Variants in SETD5 observed in about 807,000 individuals in gnomAD.
The protein encoded by SETD5 is histone-lysine N-methyltransferase SETD5.
SETD5 carries 44 observed loss-of-function variants against 153.3 expected under a neutral mutation model. The observed-to-expected ratio is 0.29, with a 90% confidence interval of 0.23 to 0.37. The LOEUF (loss-of-function observed/expected upper bound fraction) is 0.37, where lower values mean the gene tolerates loss of function less well. Among genes scored for constraint, SETD5 ranks in the 10% least tolerant of loss-of-function variants. SETD5 has a pLI of 1.00. For missense variants in SETD5, 1,544 were observed against 1,768.0 expected, an observed-to-expected ratio of 0.87 and a Z score of 2.27; for synonymous variants, 716 against 645.2, an observed-to-expected ratio of 1.11 and a Z score of -1.66.
At chr3:9,442,088 T>C (rs2041363998) in intron 9 of SETD5, 40 bp from the exon 10 acceptor site, 1 of 1,395,944 alleles carries the variant, frequency 7.2e-7, no homozygotes, top group Admixed American at 1.9e-5. Context: ...GGCCTTCTTA[T>C]TTGTGTTGAG....
chr3:9,456,992 G>A (rs111429675), intron 17 of SETD5, among the ~76,000 whole-genome samples: 393 of 151,112 alleles, frequency 2.6e-3, no homozygotes, highest in African/African-American at 7.2e-3. Context: ...AAGAAAGAAA[G>A]AAAGAGAGGG....
intron 1 of SETD5, among the ~76,000 whole-genome samples, chr3:9,412,387 GTTTTTTT>G (rs370566998): frequency 1.3e-4 from 12 of 89,536 alleles, no homozygotes; most frequent in South Asian, 4.6e-4. Flanking sequence ...ACAGTTTTGG[GTTTTTTT>G]TTTTTTTTTT....
rs746110142 is a variant in SETD5 at position 9,440,633 on chromosome 3, A to G, written c.745A>G (p.Ile249Val). The change falls in exon 8 of 23, where the codon ATT becomes GTT. Residue 249 changes from isoleucine to valine, a missense_variant. Coordinates refer to ENST00000402198, the MANE Select transcript of SETD5 (RefSeq NM_001080517.3). The part of the protein sequence containing the change: ...SSKEFVGKPT[I>V]LDTINKTELA... ...CAAGGAATTTGTGGGCAAACCTACT[A>G]TTTTAGACACTATTAATAAGACTGA... 1 of 1,613,944 alleles carries G rather than the reference A, an allele frequency of 6.2e-7. No individual in the cohort carries two copies. Among genetic ancestry groups the G allele is most frequent in the Non-Finnish European group, 8.5e-7 (1 of 1,179,846 alleles).
At chr3:9,468,420 A>G (rs763144034) in intron 18 of SETD5, 3 of 1,052,506 alleles carry the variant, frequency 2.9e-6, no homozygotes, top group Non-Finnish European at 3.9e-6. Context: ...CCCCGAAAAA[A>G]GTTATGGCTA....
rs753275152 is a variant in SETD5 at position 9,445,287 on chromosome 3, C to G, written c.1427C>G (p.Ser476Cys). The G allele has an allele frequency of 3.1e-6, 5 of 1,604,560 alleles. No individual in the cohort carries two copies. In the African/African-American group the frequency reaches 6.7e-5, roughly 21 times the overall value. Residue 476 changes from serine to cysteine, a missense_variant, in exon 12 of 23, where the codon TCC becomes TGC. Around this residue, in one of 9 missense-constraint regions of SETD5, gnomAD observed 782 missense variants for 787.2 expected, o/e 0.99. Coordinates refer to ENST00000402198, the MANE Select transcript of SETD5 (RefSeq NM_001080517.3). ...SQEVPEKVTV[S>C]SDHEEVDNPE... ...GAAGTTCCAGAAAAAGTAACTGTAT[C>G]CAGTGATCATGAGGTAATCGCCCCT...
chr3:9,448,445 T>C lies in SETD5; in HGVS notation c.2161T>C (p.Cys721Arg). Residue 721 changes from cysteine to arginine, a missense_variant, in exon 16 of 23, where the codon TGC (cysteine) becomes CGC (arginine). By Grantham distance (180) the Cys-to-Arg change is radical (BLOSUM62 -3). Coordinates refer to ENST00000402198, the MANE Select transcript of SETD5 (RefSeq NM_001080517.3). Reference protein sequence around the residue: ...KAEKQECPVECPLRITTDPTV... With the variant: ...KAEKQECPVERPLRITTDPTV... ...AGAGAAGCAAGAGTGCCCTGTTGAGTGCCCTTTACGTATCACAACGGATCC... is the reference window on the plus strand; with the variant it reads ...AGAGAAGCAAGAGTGCCCTGTTGAGCGCCCTTTACGTATCACAACGGATCC... 1 of 1,614,016 alleles carries C rather than the reference T, an allele frequency of 6.2e-7. No individual in the cohort carries two copies. Among genetic ancestry groups the C allele is most frequent in the Admixed American group, 1.7e-5 (1 of 60,020 alleles).
intron 18 of SETD5, among the ~76,000 whole-genome samples, chr3:9,467,012 G>GA (rs2044662859): frequency 6.6e-6 from 1 of 151,906 alleles, no homozygotes; most frequent in Non-Finnish European, 1.5e-5. Flanking sequence ...CTGGGCAACA[G>GA]TGAGATCCCA....
rs538063267 is a variant in SETD5, at chr3:9,404,218, G to A, written c.-177+6241G>A. On this transcript the variant is annotated intron_variant, in intron 1 of 22. Coordinates refer to ENST00000402198, the MANE Select transcript of SETD5 (RefSeq NM_001080517.3). ...ACTGGAATGTTAATTTCCATTTATG[G>A]ATTAGCAGAGGAGATGTTTTAACCG... 6.6e-5 allele frequency among the ~76,000 whole-genome samples: 10 copies of A among 152,250 alleles called. No individual in the cohort carries two copies. In the South Asian group the frequency reaches 1.9e-3, roughly 28 times the overall value.
intron 7 of SETD5, among the ~76,000 whole-genome samples, chr3:9,439,089 G>C (rs546375895): frequency 6.6e-6 from 1 of 152,294 alleles, no homozygotes; most frequent in South Asian, 2.1e-4. Flanking sequence ...GCCACTTAAA[G>C]CTGGGAATAT....
intron 11 of SETD5, among the ~76,000 whole-genome samples, chr3:9,443,905 C>G (rs1430593811): frequency 6.6e-6 from 1 of 152,068 alleles, no homozygotes; most frequent in Non-Finnish European, 1.5e-5. Flanking sequence ...CTACTAAAAA[C>G]ACAAAAATTA....
rs1353794405 is a variant in SETD5 at position 9,442,381 on chromosome 3, C to T, written c.1077+136C>T. ...ATATTTCATCGTGGGAGGTGAAAAA[C>T]AAAAGTAATGGTGCTTTTATACGAC... On this transcript the variant is annotated intron_variant, in intron 10 of 22. Transcript: ENST00000402198. The T allele has an allele frequency of 6.0e-6, 4 of 668,130 alleles. No individual in the cohort carries two copies. In the Admixed American group the frequency reaches 7.1e-5, roughly 12 times the overall value. 41.4% of individuals were successfully genotyped at this position (668,130 alleles called of 1,614,324 possible).
At chr3:9,400,530 T>C (rs981345173) in intron 1 of SETD5, among the ~76,000 whole-genome samples, 5 of 152,220 alleles carry the variant, frequency 3.3e-5, no homozygotes, top group Non-Finnish European at 7.4e-5. Flanking sequence ...CTAAACATTT[T>C]ACTAAGCTTG....
In SETD5 at chr3:9,434,728, G is replaced by A. The variant is rs2040352314; in HGVS notation, c.330-96G>A. The stretch of plus-strand genomic sequence containing the variant: ...CTGGAAACATTTGGTAGGTGGGAGG[G>A]AGGGGGTAGCATATGCAGAGACACT... On this transcript the variant is annotated intron_variant, in intron 5 of 22. Coordinates refer to ENST00000402198, the MANE Select transcript of SETD5 (RefSeq NM_001080517.3). This position sits in a 1 kb window ranked among gnomAD's most constrained non-coding sequence, Gnocchi z 5.6. 1 of 1,477,200 alleles carries A rather than the reference G, an allele frequency of 6.8e-7. No individual in the cohort carries two copies. The highest frequency in any genetic ancestry group is 9.0e-7 in the Non-Finnish European group (1 of 1,107,068). 91.5% of individuals were successfully genotyped at this position (1,477,200 alleles called of 1,614,324 possible).
intron 1 of SETD5, among the ~76,000 whole-genome samples, chr3:9,420,815 C>T (rs1017009624): frequency 4.7e-5 from 7 of 149,708 alleles, no homozygotes; most frequent in African/African-American, 1.8e-4. Context: ...TCTTCTTATG[C>T]TTAACACTTC....
chr3:9,474,385 G>C lies in SETD5; in HGVS notation c.3498-64G>C, dbSNP rs577627856. The C allele has an allele frequency of 3.8e-6, 6 of 1,585,738 alleles. No individual in the cohort carries two copies. The South Asian group carries it at 5.6e-5, about 15-fold the overall frequency. On this transcript the variant is annotated intron_variant, in intron 20 of 22. Coordinates refer to ENST00000402198, the MANE Select transcript of SETD5 (RefSeq NM_001080517.3). ...TTTTAAGAAAATACACTGTGCACTG[G>C]TTAGGGCTTCATTTGTTTTGGTTAA...
chr3:9,399,665 G>C (rs2034425542), intron 1 of SETD5, among the ~76,000 whole-genome samples: 1 of 152,254 alleles, frequency 6.6e-6, no homozygotes, highest in Non-Finnish European at 1.5e-5. Flanking sequence ...AAAGACCAAA[G>C]CTTAATCTTC....
intron 3 of SETD5, 153 bp from the exon 4 acceptor site, chr3:9,433,692 G>GT (rs2040230985): frequency 1.1e-6 from 1 of 895,232 alleles, no homozygotes; most frequent in Non-Finnish European, 1.7e-6. Flanking sequence ...TATAGGCTTA[G>GT]TTATGTTAAT....
In SETD5 at chr3:9,434,220, T is replaced by C. The variant is rs779904046; in HGVS notation, c.178-114T>C. On this transcript the variant is annotated intron_variant, in intron 4 of 22. Transcript: ENST00000402198. This position sits in a 1 kb window ranked among gnomAD's most constrained non-coding sequence, Gnocchi z 5.6. ...CTTTCTTTCCATATGTACCATACTT[T>C]AGGGGAGAGAGGGGCCAGTGTTTGG... The C allele has an allele frequency of 1.6e-5, 25 of 1,553,680 alleles. No individual in the cohort carries two copies. In the Admixed American group the frequency reaches 4.6e-4, roughly 28 times the overall value.
At chr3:9,451,725 T>TA (rs2042649698) in intron 16 of SETD5, among the ~76,000 whole-genome samples, 2 of 152,186 alleles carry the variant, frequency 1.3e-5, no homozygotes, top group South Asian at 2.1e-4. Flanking sequence ...GGATTACAGA[T>TA]ACGAGCTACT....
Sources: gnomAD v4.1 joint callset for allele counts (sites outside exome capture counted in the v4.1 genomes callset) on GRCh38, gnomAD v4.1.1 for gene constraint, gnomAD v4.1.1 regional missense constraint, Gnocchi (gnomAD v3.1) non-coding constraint, MANE v1.5 for transcripts, NCBI Gene and HGNC (gene_info 2026-07-23, HGNC 2026-07-21) for gene names.